Variants in GRM7 observed in about 807,000 individuals in gnomAD.
The protein encoded by GRM7 is glutamate metabotropic receptor 7.
A neutral mutation model predicts 84.5 loss-of-function variants in GRM7; 35 were observed. The ratio of observed to expected loss-of-function variants is 0.41; its 90% CI spans 0.32 to 0.55. GRM7 has a LOEUF of 0.55. Among genes scored for constraint, GRM7 ranks in the 20% least tolerant of loss-of-function variants. The pLI, the probability that GRM7 is intolerant of heterozygous loss-of-function variation, is 0.19. For synonymous variants in GRM7, 487 were observed against 455.1 expected (o/e 1.07, Z -0.89); for missense variants, 1,003 against 1,194.6 (o/e 0.84, Z 2.36).
chr3:6,886,288 G>T (rs993479727), intron 1 of GRM7, among the ~76,000 whole-genome samples: 2 of 152,084 alleles, frequency 1.3e-5, no homozygotes, highest in African/African-American at 4.8e-5. Flanking sequence ...GCTGAACAAT[G>T]ATAACACATG....
chr3:6,867,861 T>G (rs1016411489), intron 1 of GRM7, among the ~76,000 whole-genome samples: 1 of 152,074 alleles, frequency 6.6e-6, no homozygotes, highest in Admixed American at 6.5e-5. Context: ...TGAGTCAACC[T>G]TCTTCACATT....
chr3:7,320,273 C>A (rs940915272), intron 4 of GRM7, among the ~76,000 whole-genome samples: 2 of 151,870 alleles, frequency 1.3e-5, no homozygotes, highest in Admixed American at 1.3e-4. Flanking sequence ...AAGAGAAAAG[C>A]ATACAAATCT....
rs1415091033 is a variant in GRM7 at position 6,999,063 on chromosome 3, G to A, written c.519+137156G>A. Among the ~76,000 whole-genome samples the A allele has an allele frequency of 1.3e-5, 2 of 152,280 alleles. 1 individual carries two copies. ...GTTTTCTTTTCTATTGCATTGTCAGGCTGCAAACTTTCCAAATTTTTTTTG... is the reference window on the plus strand; with the variant it reads ...GTTTTCTTTTCTATTGCATTGTCAGACTGCAAACTTTCCAAATTTTTTTTG... On this transcript the variant is annotated intron_variant, in intron 1 of 9. Coordinates refer to ENST00000357716, the MANE Select transcript of GRM7 (RefSeq NM_000844.4).
intron 7 of GRM7, among the ~76,000 whole-genome samples, chr3:7,479,456 T>C (rs1699046636): frequency 6.6e-6 from 1 of 152,044 alleles, no homozygotes. Flanking sequence ...TTGACCTGTA[T>C]AGAAAATGCC....
At chr3:7,032,178 G>C (rs1366975524) in intron 1 of GRM7, among the ~76,000 whole-genome samples, 2 of 152,310 alleles carry the variant, frequency 1.3e-5, no homozygotes, top group Non-Finnish European at 2.9e-5. Flanking sequence ...TGATGATTTT[G>C]CTATCTAAAA....
intron 1 of GRM7, among the ~76,000 whole-genome samples, chr3:7,095,391 A>G (rs777589196): frequency 6.6e-6 from 1 of 152,234 alleles, no homozygotes; most frequent in Non-Finnish European, 1.5e-5. Context: ...TGAGCAATTC[A>G]TCACTTAATT....
At chr3:7,001,177 A>G (rs1695001721) in intron 1 of GRM7, among the ~76,000 whole-genome samples, 1 of 152,084 alleles carries the variant, frequency 6.6e-6, no homozygotes, top group South Asian at 2.1e-4. Context: ...GAGACCCCAT[A>G]TCCACAAAAA....
At chr3:7,053,151 G>A (rs540984241) in intron 1 of GRM7, among the ~76,000 whole-genome samples, 3 of 149,634 alleles carry the variant, frequency 2.0e-5, no homozygotes, top group African/African-American at 7.3e-5. Context: ...TTTTTCTTAG[G>A]CTTAATGTTA....
intron 9 of GRM7, among the ~76,000 whole-genome samples, chr3:7,712,943 C>A (rs1020908026): frequency 6.6e-6 from 1 of 151,916 alleles, no homozygotes; most frequent in African/African-American, 2.4e-5. Context: ...ATTCATGTGG[C>A]CTTCCCCCTC....
At chr3:7,273,123 G>A (rs970732819) in intron 2 of GRM7, among the ~76,000 whole-genome samples, 3 of 151,874 alleles carry the variant, frequency 2.0e-5, no homozygotes, top group Non-Finnish European at 4.4e-5. Context: ...TTGGAAGTGT[G>A]TTATATGATA....
At chr3:7,545,307 A>G (rs1172505061) in intron 7 of GRM7, among the ~76,000 whole-genome samples, 1 of 152,262 alleles carries the variant, frequency 6.6e-6, no homozygotes, top group East Asian at 1.9e-4. Flanking sequence ...TGTACTCTGT[A>G]CTACGTTAAG....
At chr3:7,086,195 C>T (rs1020469208) in intron 1 of GRM7, among the ~76,000 whole-genome samples, 1 of 152,090 alleles carries the variant, frequency 6.6e-6, no homozygotes, top group African/African-American at 2.4e-5. Flanking sequence ...TCTATAGAAT[C>T]ACTGTCTTAC....
chr3:6,892,243 A>T (rs528773031), intron 1 of GRM7, among the ~76,000 whole-genome samples: 40 of 152,314 alleles, frequency 2.6e-4, no homozygotes, highest in African/African-American at 8.4e-4. Flanking sequence ...AATGAATGAT[A>T]TGAGGAAGCA....
At chr3:7,293,297 A>T (rs1434282481) in intron 2 of GRM7, among the ~76,000 whole-genome samples, 1 of 152,180 alleles carries the variant, frequency 6.6e-6, no homozygotes, top group Non-Finnish European at 1.5e-5. Context: ...GTTGCTAAAG[A>T]TTGCTAGCTA....
chr3:7,131,383 G>A (rs1190099575), intron 1 of GRM7, among the ~76,000 whole-genome samples: 6 of 152,088 alleles, frequency 3.9e-5, no homozygotes, highest in African/African-American at 1.4e-4. Flanking sequence ...TTCTGTTAGA[G>A]GTATTTGGGT....
intron 7 of GRM7, among the ~76,000 whole-genome samples, chr3:7,552,079 A>G (rs542945247): frequency 1.1e-4 from 17 of 152,186 alleles, no homozygotes; most frequent in Non-Finnish European, 2.4e-4. Context: ...CCATAATTCA[A>G]TTAACTCCAC....
chr3:7,444,027 C>A (rs712785), intron 5 of GRM7, among the ~76,000 whole-genome samples: 1 of 152,064 alleles, frequency 6.6e-6, no homozygotes, highest in Non-Finnish European at 1.5e-5. Context: ...TGTTGTCAAC[C>A]TGATCTATTC....
intron 5 of GRM7, among the ~76,000 whole-genome samples, chr3:7,425,893 G>C (rs1319728361): frequency 2.0e-5 from 3 of 152,160 alleles, no homozygotes; most frequent in South Asian, 2.1e-4. Context: ...ATGTCTGCCT[G>C]TGTGGCTGTT....
At chr3:7,264,642 G>A (rs901359967) in intron 2 of GRM7, among the ~76,000 whole-genome samples, 2 of 152,126 alleles carry the variant, frequency 1.3e-5, no homozygotes, top group African/African-American at 4.8e-5. Flanking sequence ...TCTGCTAGGA[G>A]TGCACCGGTA....
Sources: allele counts gnomAD v4.1 joint callset (sites outside exome capture counted in the v4.1 genomes callset), GRCh38; gene constraint gnomAD v4.1.1; transcripts MANE v1.5; gene names NCBI Gene and HGNC (gene_info 2026-07-23, HGNC 2026-07-21).